TEX11: variants seen among roughly 807,000 people sequenced by gnomAD.
TEX11 encodes testis expressed 11.
In TEX11, 7 loss-of-function variants were observed where a neutral mutation model predicts 84.4. The observed-to-expected ratio is 0.08, with a 90% CI of 0.05 to 0.16. The LOEUF (loss-of-function observed/expected upper bound fraction) is 0.16, where lower values mean the gene tolerates loss of function less well. Ranked by LOEUF, TEX11 falls within the 10% of genes least tolerant of loss-of-function variation. The pLI, the probability that TEX11 is intolerant of heterozygous loss-of-function variation, is 1.00. For missense variants in TEX11, 551 were observed against 660.5 expected (o/e 0.83, Z 1.82); for synonymous variants, 264 against 222.8 (o/e 1.18, Z -1.64).
intron 15 of TEX11, among the ~76,000 whole-genome samples, chrX:70,677,998 G>C (rs888952908): frequency 3.7e-5 from 4 of 108,564 alleles, no homozygotes; most frequent in Non-Finnish European, 5.7e-5. Context: ...TATTTTAGTA[G>C]AGATGGGCTT....
chrX:70,601,927 T>C (rs1333225069), intron 24 of TEX11, among the ~76,000 whole-genome samples: 2 of 111,071 alleles, frequency 1.8e-5, no homozygotes, highest in Non-Finnish European at 3.8e-5. Context: ...AAGTCTCCCA[T>C]GTCCACTTCT....
chrX:70,586,051 A>AAAAC (rs949236594), intron 25 of TEX11, among the ~76,000 whole-genome samples: 5 of 112,762 alleles, frequency 4.4e-5, no homozygotes, highest in East Asian at 5.5e-4. Flanking sequence ...ACTCCGTCTC[A>AAAAC]AAACAAACAA....
rs189556462 is a variant in TEX11 at position 70,861,789 on chromosome X, A to T, written c.245-853T>A. Among the ~76,000 whole-genome samples the T allele has an allele frequency of 2.1e-4, 23 of 109,964 alleles. No individual in the cohort carries two copies. In the East Asian group the frequency reaches 6.7e-3, roughly 32 times the overall value. On this transcript the variant is annotated intron_variant, in intron 4 of 29. Coordinates refer to ENST00000374333, the MANE Select transcript of TEX11 (RefSeq NM_031276.3). ...GCCCAGAGAGATATTTAATACTTAA[A>T]TTTTAATTTCTTAAGGTCTTAAGTC...
At chrX:70,756,088 C>T (rs1364046062) in intron 9 of TEX11, among the ~76,000 whole-genome samples, 1 of 112,079 alleles carries the variant, frequency 8.9e-6, no homozygotes, top group African/African-American at 3.2e-5. Context: ...TTGTGCTCAC[C>T]GTGAAAACAA....
At chrX:70,515,134 T>A in the TEX11 span, among the ~76,000 whole-genome samples, 1 of 111,533 alleles carries the variant, frequency 9.0e-6, no homozygotes. Context: ...TTTTTAAAAT[T>A]ATACTTTAAG....
intron 24 of TEX11, among the ~76,000 whole-genome samples, chrX:70,593,449 C>T (rs73542407): frequency 2.7e-5 from 3 of 111,671 alleles, no homozygotes; most frequent in Non-Finnish European, 5.6e-5. Context: ...TTATCTAAAA[C>T]GTCCAGTTTT....
At chrX:70,703,224 C>A (rs2090340627) in intron 13 of TEX11, among the ~76,000 whole-genome samples, 1 of 111,452 alleles carries the variant, frequency 9.0e-6, no homozygotes. Context: ...AAATAATAAT[C>A]AAAAAAGTTA....
intron 15 of TEX11, chrX:70,672,978 G>C: frequency 8.1e-6 from 1 of 122,799 alleles, no homozygotes; most frequent in Non-Finnish European, 1.7e-5. Context: ...TCACGAGATT[G>C]ATTCTGGACT....
chrX:70,785,113 T>C (rs1213446449), intron 9 of TEX11, among the ~76,000 whole-genome samples: 3 of 111,865 alleles, frequency 2.7e-5, no homozygotes, highest in Non-Finnish European at 5.6e-5. Flanking sequence ...AGCATGACAC[T>C]GGTACTAAAG....
intron 20 of TEX11, among the ~76,000 whole-genome samples, chrX:70,617,633 A>G (rs1382007096): frequency 9.1e-6 from 1 of 110,295 alleles, no homozygotes; most frequent in Non-Finnish European, 1.9e-5. Flanking sequence ...ATGTGTATAC[A>G]TGGACACAGA....
chrX:70,754,783 G>C (rs993333499), intron 9 of TEX11, among the ~76,000 whole-genome samples: 4 of 111,329 alleles, frequency 3.6e-5, no homozygotes, highest in African/African-American at 1.3e-4. Context: ...GAGAGAGAGA[G>C]AGAGAGACTC....
chrX:70,837,862 T>C lies in TEX11; in HGVS notation c.526-4269A>G, dbSNP rs147915563. The stretch of plus-strand genomic sequence containing the variant: ...GTGGTGGTGGTAGTGAACATGAATC[T>C]TCACCTACACATGTGCTGAAATTGT... On this transcript the variant is annotated intron_variant, in intron 7 of 29. Transcript: ENST00000374333. Among the ~76,000 whole-genome samples the C allele has an allele frequency of 4.5e-5, 5 of 111,745 alleles. 1 individual carries two copies. In the East Asian group the frequency reaches 1.4e-3, roughly 31 times the overall value.
Position 70,873,215 on chromosome X carries a change from A to C in TEX11, c.244+8T>G, listed in dbSNP as rs370772921. On this transcript the variant is annotated splice_region_variant and intron_variant, in intron 4 of 29. Transcript: ENST00000374333. ...CCTCATAATACATGTCACAATATGT[A>C]TACATACATCTAATTTTCTGCTCTT... 2 of 1,069,143 alleles carry C rather than the reference A, an allele frequency of 1.9e-6. No individual in the cohort carries two copies. Among genetic ancestry groups the C allele is most frequent in the African/African-American group, 1.8e-5 (1 of 54,608 alleles). The allele number at this position is 1,069,143 out of a possible 1,213,427, so 88.1% of individuals were successfully genotyped here. A position where few individuals can be genotyped will look rare whatever the true frequency, so the allele number is the denominator to read the frequency against.
intron 28 of TEX11, among the ~76,000 whole-genome samples, chrX:70,543,182 AAAAAAATAAATAAAT>A (rs1348329098): frequency 2.9e-4 from 33 of 112,060 alleles, no homozygotes; most frequent in African/African-American, 8.7e-4. Flanking sequence ...ACTCCGTCTC[AAAAAAATAAATAAAT>A]AAAAAATAAA....
At chrX:70,600,402 C>G (rs751964940) in intron 24 of TEX11, among the ~76,000 whole-genome samples, 30 of 110,936 alleles carry the variant, frequency 2.7e-4, no homozygotes, top group Non-Finnish European at 4.3e-4. Flanking sequence ...ACTTAGACTC[C>G]CACACATTAA....
intron 2 of TEX11, among the ~76,000 whole-genome samples, chrX:70,885,271 G>C (rs1330220707): frequency 9.0e-6 from 1 of 111,308 alleles, no homozygotes; most frequent in African/African-American, 3.3e-5. Flanking sequence ...GAAAAACCAG[G>C]CAAAGATGTT....
At chrX:70,692,660 C>T (rs1003410584) in intron 13 of TEX11, among the ~76,000 whole-genome samples, 9 of 108,352 alleles carry the variant, frequency 8.3e-5, no homozygotes, top group Admixed American at 1.0e-4. Context: ...TATACGTTTG[C>T]GTGTGTGTAT....
intron 9 of TEX11, among the ~76,000 whole-genome samples, chrX:70,783,530 T>A (rs1270616974): frequency 9.0e-6 from 1 of 111,208 alleles, no homozygotes; most frequent in Non-Finnish European, 1.9e-5. Context: ...CATCAATGAA[T>A]CCAAGAGCTG....
intron 28 of TEX11, among the ~76,000 whole-genome samples, chrX:70,530,849 T>C (rs1166023265): frequency 8.9e-6 from 1 of 111,897 alleles, no homozygotes; most frequent in Non-Finnish European, 1.9e-5. Context: ...TGCAATGCTT[T>C]TGGGGACACA....
Sources: allele counts gnomAD v4.1 joint callset (sites outside exome capture counted in the v4.1 genomes callset), GRCh38; gene constraint gnomAD v4.1.1; transcripts MANE v1.5; gene names NCBI Gene and HGNC (gene_info 2026-07-23, HGNC 2026-07-21).